Variants in NRG1 observed in about 807,000 individuals in gnomAD.
NRG1 encodes the protein pro-neuregulin-1, membrane-bound isoform.
Under a neutral mutation model 63.8 loss-of-function variants are expected in NRG1, and 18 were observed. That is an observed-to-expected ratio of 0.28 (90% CI 0.19 to 0.42). NRG1 has a LOEUF of 0.42. NRG1 is among the 10% of genes least tolerant of loss of function. The pLI is 1.00. For synonymous variants in NRG1, 302 were observed against 301.3 expected (o/e 1.00, Z -0.02); for missense variants, 762 against 814.7 (o/e 0.94, Z 0.79).
intron 1 of NRG1, among the ~76,000 whole-genome samples, chr8:32,434,509 A>G (rs1349146301): frequency 1.3e-5 from 2 of 152,002 alleles, no homozygotes; most frequent in East Asian, 3.9e-4. Context: ...GAATAACTGA[A>G]CTCTTAATGC....
intron 1 of NRG1, among the ~76,000 whole-genome samples, chr8:32,493,474 T>A (rs1051301641): frequency 5.1e-4 from 77 of 152,180 alleles, no homozygotes; most frequent in Non-Finnish European, 1.3e-4. Context: ...GCAAGTGATT[T>A]TTTTGCTTTA....
At chr8:32,035,239 G>A (rs1033441242) in intron 1 of NRG1, among the ~76,000 whole-genome samples, 2 of 151,926 alleles carry the variant, frequency 1.3e-5, no homozygotes, top group Non-Finnish European at 2.9e-5. Context: ...GTTCAATTTC[G>A]ATGTAGTTGT....
chr8:32,511,377 A>G lies in NRG1; in HGVS notation c.38-84451A>G, dbSNP rs759331124. 9.0e-4 allele frequency among the ~76,000 whole-genome samples: 107 copies of G among 119,468 alleles called. 2 individuals are homozygous for G. Among genetic ancestry groups the G allele is most frequent in the Admixed American group, 3.1e-3 (37 of 11,904 alleles). The allele number at this position is 119,468 out of a possible 152,430, so 78.4% of individuals were successfully genotyped here. On this transcript the variant is annotated intron_variant, in intron 1 of 10. Coordinates refer to the NRG1 transcript ENST00000519301. ...TGTCGATATATATGTGTATATATAT[A>G]TATATATATATATATATATATAAAT...
chr8:32,053,675 A>G (rs1371455683), intron 1 of NRG1, among the ~76,000 whole-genome samples: 1 of 152,196 alleles, frequency 6.6e-6, no homozygotes, highest in African/African-American at 2.4e-5. Flanking sequence ...TGAATTGCAA[A>G]GGGCTTTTTA....
chr8:32,640,245 T>TCACACACA (rs111977984), intron 5 of NRG1, among the ~76,000 whole-genome samples: 29,718 of 147,424 alleles, frequency 0.2, 3,107 homozygotes, highest in Admixed American at 0.25. Context: ...CTTCTTTTTG[T>TCACACACA]CACACACACA....
intron 1 of NRG1, among the ~76,000 whole-genome samples, chr8:31,778,872 T>C (rs1819412782): frequency 6.6e-6 from 1 of 152,202 alleles, no homozygotes; most frequent in South Asian, 2.1e-4. Flanking sequence ...GGAAGGTCTG[T>C]GGATGAGGAA....
intron 1 of NRG1, among the ~76,000 whole-genome samples, chr8:32,240,043 G>T (rs1161515252): frequency 6.6e-6 from 1 of 152,130 alleles, no homozygotes; most frequent in Non-Finnish European, 1.5e-5. Context: ...CAGCAGTTGT[G>T]CTCTTGGACA....
chr8:32,638,386 TTAAATC>T (rs1480319634), intron 5 of NRG1, among the ~76,000 whole-genome samples: 2 of 152,192 alleles, frequency 1.3e-5, no homozygotes, highest in Non-Finnish European at 2.9e-5. Context: ...TAAAAAAAAT[TTAAATC>T]TAATTATTAT....
chr8:31,724,392 G>T (rs1042235726), intron 1 of NRG1, among the ~76,000 whole-genome samples: 3 of 152,114 alleles, frequency 2.0e-5, no homozygotes, highest in Non-Finnish European at 4.4e-5. Flanking sequence ...AAGATGATGT[G>T]TTCAGTGTTC....
chr8:32,155,794 C>T (rs1304267914), intron 1 of NRG1, among the ~76,000 whole-genome samples: 1 of 152,152 alleles, frequency 6.6e-6, no homozygotes, highest in Non-Finnish European at 1.5e-5. Context: ...CCCATTTTAC[C>T]AATGCAATAT....
intron 1 of NRG1, among the ~76,000 whole-genome samples, chr8:32,429,690 G>A (rs1054710726): frequency 2.0e-5 from 3 of 151,910 alleles, no homozygotes; most frequent in Non-Finnish European, 4.4e-5. Flanking sequence ...ACCGTAAACT[G>A]GCAATAAAAG....
intron 1 of NRG1, among the ~76,000 whole-genome samples, chr8:32,466,320 C>CTATT (rs1181750279): frequency 6.7e-6 from 1 of 148,734 alleles, no homozygotes; most frequent in African/African-American, 2.5e-5. Context: ...GAGTGAGACC[C>CTATT]TATTTCAAAA....
intron 1 of NRG1, among the ~76,000 whole-genome samples, chr8:31,803,606 G>GTAAATA (rs1821999867): frequency 1.3e-5 from 2 of 152,158 alleles, no homozygotes; most frequent in South Asian, 4.2e-4. Flanking sequence ...TCTTAGAGCT[G>GTAAATA]ATCTGTTTGC....
intron 1 of NRG1, among the ~76,000 whole-genome samples, chr8:31,817,235 C>A (rs970988888): frequency 6.6e-6 from 1 of 152,232 alleles, no homozygotes; most frequent in Non-Finnish European, 1.5e-5. Flanking sequence ...CTAATTTGAG[C>A]ACTTCTCACC....
chr8:32,652,020 A>G lies in NRG1; in HGVS notation c.502+35135A>G, dbSNP rs187482912. Among the ~76,000 whole-genome samples the G allele has an allele frequency of 2.2e-3, 336 of 152,308 alleles. 1 individual carries two copies. Among genetic ancestry groups the G allele is most frequent in the African/African-American group, 7.8e-3 (323 of 41,580 alleles). On this transcript the variant is annotated intron_variant, in intron 5 of 11. Transcript: ENST00000356819. ...TGCCTATTGAAATTCTTTTATTAAA[A>G]TATACTAAACTCTGAAAAATGTGGC... is the stretch of plus-strand genomic sequence containing the variant.
At chr8:32,065,222 CTTT>C (rs1563744407) in intron 1 of NRG1, among the ~76,000 whole-genome samples, 1 of 150,448 alleles carries the variant, frequency 6.6e-6, no homozygotes, top group South Asian at 2.1e-4. Context: ...TTTTATTATA[CTTT>C]AAGTTTTAGG....
At chr8:31,879,813 G>T (rs1462701512) in intron 1 of NRG1, among the ~76,000 whole-genome samples, 4 of 152,030 alleles carry the variant, frequency 2.6e-5, no homozygotes, top group African/African-American at 9.7e-5. Context: ...TGCAGTATTT[G>T]GTTTTCTGTT....
chr8:32,110,831 A>G (rs1831919682), intron 1 of NRG1, among the ~76,000 whole-genome samples: 1 of 152,156 alleles, frequency 6.6e-6, no homozygotes, highest in African/African-American at 2.4e-5. Context: ...TAAGATGCAG[A>G]TGAAGTAGAA....
At chr8:31,932,397 G>A (rs1319033866) in intron 1 of NRG1, among the ~76,000 whole-genome samples, 1 of 152,118 alleles carries the variant, frequency 6.6e-6, no homozygotes, top group Admixed American at 6.5e-5. Flanking sequence ...GAGAAGCAAC[G>A]CTTTCAGATG....
Sources: allele counts gnomAD v4.1 joint callset (sites outside exome capture counted in the v4.1 genomes callset), GRCh38; gene constraint gnomAD v4.1.1; transcripts MANE v1.5; gene names NCBI Gene and HGNC (gene_info 2026-07-23, HGNC 2026-07-21).